BTG4: variants seen among roughly 807,000 people sequenced by gnomAD.
The protein encoded by BTG4 is BTG anti-proliferation factor 4, also known as protein BTG4.
BTG4 carries 10 observed loss-of-function variants against 19.3 expected under a neutral mutation model. The observed-to-expected ratio is 0.52, with a 90% CI of 0.32 to 0.88. BTG4 has a LOEUF of 0.88. BTG4 is among the 40% of genes least tolerant of loss of function. The pLI, the probability that BTG4 is intolerant of heterozygous loss-of-function variation, is 0.04. For synonymous variants in BTG4, 91 were observed against 95.7 expected (o/e 0.95, Z 0.29); for missense variants, 238 against 281.9 (o/e 0.84, Z 1.11).
At position 111,508,737 on chromosome 11, in the gene BTG4, T is replaced by C. The variant is rs566341072; in HGVS notation, c.-27+3444A>G. ...TGAAGCACTTTTTCATATAACCATC[T>C]TGATATTAAATAATTATATATAATA... On this transcript the variant is annotated intron_variant, in intron 1 of 4. Coordinates refer to ENST00000692032, the MANE Select transcript of BTG4 (RefSeq NM_001367975.1). Among the ~76,000 whole-genome samples, 115 of 150,168 alleles carry C rather than the reference T, an allele frequency of 7.7e-4. 1 individual carries two copies. The highest frequency in any genetic ancestry group is 3.5e-3 in the Middle Eastern group (1 of 282).
At chr11:111,406,633 T>C in the BTG4 span, among the ~76,000 whole-genome samples, 1 of 152,170 alleles carries the variant, frequency 6.6e-6, no homozygotes, top group Non-Finnish European at 1.5e-5. Context: ...ATATAGCCCA[T>C]TTAGTTGGAC....
chr11:111,387,203 C>G, the BTG4 span, among the ~76,000 whole-genome samples: 10 of 152,168 alleles, frequency 6.6e-5, no homozygotes, highest in Admixed American at 1.3e-4. Context: ...TCAAACTTTA[C>G]CAATTTCTAG....
the BTG4 span, among the ~76,000 whole-genome samples, chr11:111,425,599 C>A: frequency 6.6e-6 from 1 of 152,172 alleles, no homozygotes; most frequent in East Asian, 1.9e-4. Flanking sequence ...AGTTAAGAAA[C>A]TACTGTAGTA....
intron 1 of BTG4, among the ~76,000 whole-genome samples, chr11:111,503,225 T>C (rs1866212204): frequency 6.6e-6 from 1 of 152,188 alleles, no homozygotes; most frequent in South Asian, 2.1e-4. Context: ...AACAGATTAA[T>C]GTTATCATTG....
the BTG4 span, among the ~76,000 whole-genome samples, chr11:111,384,308 C>T: frequency 7.7e-4 from 116 of 150,944 alleles, 4 homozygotes; most frequent in East Asian, 0.018. Flanking sequence ...ATGACAAATT[C>T]CTAAAATTAA....
At chr11:111,427,253 G>A in the BTG4 span, among the ~76,000 whole-genome samples, 123 of 152,284 alleles carry the variant, frequency 8.1e-4, no homozygotes, top group African/African-American at 2.6e-3. Flanking sequence ...ACAATAAGAT[G>A]CTCTTCTTTC....
chr11:111,483,974 T>G (rs530904328), intron 5 of BTG4, among the ~76,000 whole-genome samples: 298 of 152,182 alleles, frequency 2.0e-3, no homozygotes, highest in Non-Finnish European at 3.5e-3. Flanking sequence ...CTAAAAGTAG[T>G]AAGAGAAAAT....
downstream of BTG4, chr11:111,462,711 CT>C (rs1863472312): frequency 6.6e-6 from 1 of 152,318 alleles, no homozygotes; most frequent in African/African-American, 2.4e-5. Flanking sequence ...ACAGGTGGTG[CT>C]AGGTATGCAG....
In BTG4 at chr11:111,482,703, T is replaced by C. The variant is rs868728638; in HGVS notation, c.662+12460A>G. ...ATTTGATGGAGGAAAGATAGTCTTT[T>C]CATTTTAACAAATGGTGCTGGAGTA... On this transcript the variant is annotated intron_variant, in intron 5 of 5. Transcript: ENST00000356018. Among the ~76,000 whole-genome samples, 19 of 152,264 alleles carry C rather than the reference T, an allele frequency of 1.2e-4. No individual in the cohort carries two copies. In the Middle Eastern group the frequency reaches 0.01, roughly 82 times the overall value.
the BTG4 span, among the ~76,000 whole-genome samples, chr11:111,446,693 T>C: frequency 3.2e-4 from 49 of 151,842 alleles, no homozygotes; most frequent in African/African-American, 1.1e-3. Context: ...CTCCTTCCAC[T>C]GGACTCCTCC....
Position 111,497,409 on chromosome 11 carries a change from C to A in BTG4, c.312G>T (p.Arg104Ser). 7.3e-7 allele frequency: 1 copy of A among 1,376,888 alleles called. No homozygotes were observed. Among genetic ancestry groups the A allele is most frequent in the Non-Finnish European group, 9.4e-7 (1 of 1,058,298 alleles). The allele number at this position is 1,376,888 out of a possible 1,614,324, so 85.3% of individuals were successfully genotyped here. A position where few individuals can be genotyped will look rare whatever the true frequency, so the allele number is the denominator to read the frequency against. ...TAAATGGATGGTTTTTCTCACCATA[C>A]CTAAGTAGGAAAAGAAATTTAAGTG... ...IWVDPFEVCC[R>S]YGEKNHPFTV... Residue 104 changes from arginine to serine, a missense_variant and splice_region_variant, in exon 4 of 5, where the codon AGG becomes AGT. Arg to Ser is a moderately radical substitution (Grantham distance 110). Transcript: ENST00000692032.
At chr11:111,466,607 GTGGATGGATGGATGGA>G (rs538691700), downstream of BTG4, 1 of 152,222 alleles carries the variant, frequency 6.6e-6, no homozygotes, top group East Asian at 1.9e-4. Context: ...GGATGGGTGG[GTGGATGGATGGATGGA>G]TGGATGATAG....
intron 5 of BTG4, chr11:111,469,157 AG>A (rs1863903441): frequency 6.6e-6 from 1 of 152,204 alleles, no homozygotes. Flanking sequence ...GAATGTTCCC[AG>A]GGGCGGACAT....
chr11:111,497,106 T>C (rs780173756), intron 4 of BTG4, 105 bp downstream of exon 4: 4 of 1,172,750 alleles, frequency 3.4e-6, no homozygotes, highest in Non-Finnish European at 4.8e-6. Context: ...AAATCTACAG[T>C]TTTGTTCTTT....
the BTG4 span, among the ~76,000 whole-genome samples, chr11:111,431,033 T>C: frequency 6.6e-6 from 1 of 152,116 alleles, no homozygotes; most frequent in Non-Finnish European, 1.5e-5. Flanking sequence ...TTTGTTCTCT[T>C]CTATGCCCCC....
the BTG4 span, among the ~76,000 whole-genome samples, chr11:111,432,190 A>G: frequency 1.3e-5 from 2 of 152,212 alleles, no homozygotes; most frequent in Non-Finnish European, 2.9e-5. Context: ...CAGGTAGCTG[A>G]CACTCTCAGA....
the BTG4 span, chr11:111,450,238 AC>A: frequency 1.2e-4 from 19 of 152,336 alleles, no homozygotes; most frequent in African/African-American, 4.6e-4. Flanking sequence ...ACACTCAGAC[AC>A]AGCTCAGGGA....
the BTG4 span, among the ~76,000 whole-genome samples, chr11:111,435,352 C>T: frequency 6.6e-6 from 1 of 152,008 alleles, no homozygotes; most frequent in African/African-American, 2.4e-5. Flanking sequence ...TAAGTGGGGA[C>T]ACCACCGCCA....
intron 5 of BTG4, among the ~76,000 whole-genome samples, chr11:111,479,829 C>A (rs1187825891): frequency 6.6e-6 from 1 of 151,824 alleles, no homozygotes; most frequent in Non-Finnish European, 1.5e-5. Flanking sequence ...CCTAGAGCAA[C>A]CACTAAAAAA....
Sources: gnomAD v4.1 joint callset for allele counts (sites outside exome capture counted in the v4.1 genomes callset) on GRCh38, gnomAD v4.1.1 for gene constraint, MANE v1.5 for transcripts, NCBI Gene and HGNC (gene_info 2026-07-23, HGNC 2026-07-21) for gene names.